The following SYT1 variants were observed in gnomAD, a reference collection of about 807,000 sequenced individuals.
The protein encoded by SYT1 is synaptotagmin-1.
Under a neutral mutation model 44.8 loss-of-function variants are expected in SYT1, and 8 were observed. That is an observed-to-expected ratio of 0.18 (90% CI 0.10 to 0.32). The LOEUF is 0.32. SYT1 is among the 10% of genes least tolerant of loss of function. SYT1 has a pLI of 1.00. For synonymous variants in SYT1, 154 were observed against 188.8 expected, an observed-to-expected ratio of 0.82 and a Z score of 1.51; for missense variants, 286 against 509.3, an observed-to-expected ratio of 0.56 and a Z score of 4.22.
intron 1 of SYT1, among the ~76,000 whole-genome samples, chr12:78,972,306 T>G (rs914992399): frequency 5.9e-5 from 9 of 152,062 alleles, no homozygotes; most frequent in Non-Finnish European, 1.2e-4. Context: ...TGCTTATACG[T>G]AAGGTCAAAA....
intron 9 of SYT1, among the ~76,000 whole-genome samples, chr12:79,372,658 A>G (rs895058602): frequency 5.9e-5 from 9 of 152,224 alleles, no homozygotes; most frequent in African/African-American, 1.9e-4. Context: ...TGATGCTTAA[A>G]GTGAACTGAA....
chr12:79,205,930 A>G (rs1373750205), intron 3 of SYT1, among the ~76,000 whole-genome samples: 1 of 152,152 alleles, frequency 6.6e-6, no homozygotes, highest in East Asian at 1.9e-4. Flanking sequence ...AACAATACTC[A>G]TATTTTCTCC....
At chr12:79,151,866 G>T (rs1389513148) in intron 3 of SYT1, among the ~76,000 whole-genome samples, 1 of 152,120 alleles carries the variant, frequency 6.6e-6, no homozygotes, top group Admixed American at 6.6e-5. Context: ...AAAATGATAT[G>T]GAGTTCAGGA....
In SYT1 at chr12:78,973,909, C is replaced by T. The variant is rs1474644568; in HGVS notation, c.-216-3890C>T. 2.1e-3 allele frequency among the ~76,000 whole-genome samples: 128 copies of T among 59,692 alleles called. 2 individuals carry two copies. Among genetic ancestry groups the T allele is most frequent in the African/African-American group, 8.6e-3 (120 of 13,988 alleles). The allele number at this position is 59,692 out of a possible 152,430, so 39.2% of individuals were successfully genotyped here. On this transcript the variant is annotated intron_variant, in intron 1 of 10. Transcript: ENST00000261205. ...CAACTATAGCAGCAAGAGGAAGAGA[C>T]GAACACCAAAAAAAAAAAAAAAAAA...
At chr12:79,103,234 TAAG>T (rs1878534747) in intron 3 of SYT1, among the ~76,000 whole-genome samples, 1 of 152,136 alleles carries the variant, frequency 6.6e-6, no homozygotes, top group African/African-American at 2.4e-5. Flanking sequence ...AATATTCAAA[TAAG>T]AAAATAATAT....
intron 8 of SYT1, among the ~76,000 whole-genome samples, chr12:79,347,156 A>G (rs1433274956): frequency 6.6e-6 from 1 of 151,866 alleles, no homozygotes; most frequent in Non-Finnish European, 1.5e-5. Flanking sequence ...AAGTCTGGTA[A>G]CTGGAAGGAA....
chr12:79,348,461 G>C (rs558785920), intron 8 of SYT1, among the ~76,000 whole-genome samples: 2 of 152,236 alleles, frequency 1.3e-5, no homozygotes, highest in South Asian at 4.1e-4. Context: ...ATGAATGAAG[G>C]CATGTGGTCA....
intron 3 of SYT1, among the ~76,000 whole-genome samples, chr12:79,051,680 T>A (rs1874502883): frequency 6.6e-6 from 1 of 152,010 alleles, no homozygotes; most frequent in South Asian, 2.1e-4. Context: ...CTCATCTGGG[T>A]AATGAAAAAT....
intron 3 of SYT1, among the ~76,000 whole-genome samples, chr12:79,179,361 G>GATATAGATATATCGATATAGATATCC (rs1872271035): frequency 4.3e-4 from 1 of 2,302 alleles, no homozygotes; most frequent in Non-Finnish European, 9.3e-4. Context: ...TATCGATATA[G>GATATAGATATATCGATATAGATATCC]ATATAGATAT....
chr12:79,384,053 A>G (rs1884331328), intron 9 of SYT1, among the ~76,000 whole-genome samples: 1 of 152,190 alleles, frequency 6.6e-6, no homozygotes, highest in Admixed American at 6.5e-5. Context: ...GAGTAGGCTG[A>G]GAGGTGATCA....
chr12:78,870,908 G>C (rs1376000984), intron 1 of SYT1, among the ~76,000 whole-genome samples: 1 of 152,018 alleles, frequency 6.6e-6, no homozygotes, highest in Non-Finnish European at 1.5e-5. Context: ...ATGCAGAGCT[G>C]TACTTACGTG....
chr12:79,414,470 A>G (rs1868615054), intron 9 of SYT1, among the ~76,000 whole-genome samples: 1 of 152,106 alleles, frequency 6.6e-6, no homozygotes, highest in Non-Finnish European at 1.5e-5. Flanking sequence ...AATTGCAGCT[A>G]CTGTCCAGGA....
At chr12:78,958,659 C>T (rs554876357) in intron 1 of SYT1, among the ~76,000 whole-genome samples, 7 of 151,680 alleles carry the variant, frequency 4.6e-5, no homozygotes, top group Non-Finnish European at 8.8e-5. Context: ...CACACCACCA[C>T]ACTCCAGCCT....
At chr12:78,905,616 T>C (rs544102105) in intron 1 of SYT1, among the ~76,000 whole-genome samples, 6 of 152,266 alleles carry the variant, frequency 3.9e-5, no homozygotes, top group Non-Finnish European at 8.8e-5. Flanking sequence ...TTTTATTACA[T>C]GGCATCTACA....
rs78780701 is a variant in SYT1 at position 79,168,722 on chromosome 12, G to A, written c.-17-48781G>A. 6.0e-3 allele frequency among the ~76,000 whole-genome samples: 920 copies of A among 152,100 alleles called. 32 individuals are homozygous for A. The East Asian group carries it at 0.094, about 15-fold the overall frequency. On this transcript the variant is annotated intron_variant, in intron 3 of 10. Coordinates refer to ENST00000261205, the MANE Select transcript of SYT1 (RefSeq NM_005639.3). ...TGTTGTTTGAGGTTAGCAAGGATGT[G>A]ATTTTGAGGTCACAACCAGACATTG...
At chr12:79,314,291 T>C (rs1178328115) in intron 8 of SYT1, among the ~76,000 whole-genome samples, 3 of 152,178 alleles carry the variant, frequency 2.0e-5, no homozygotes, top group Non-Finnish European at 2.9e-5. Flanking sequence ...CCTTCCTTTT[T>C]TGAGGACAGT....
chr12:78,892,300 A>G (rs1225447656), intron 1 of SYT1, among the ~76,000 whole-genome samples: 4 of 151,858 alleles, frequency 2.6e-5, no homozygotes, highest in Admixed American at 1.3e-4. Context: ...AATTTTTAAA[A>G]TAATAATCTT....
At chr12:78,894,187 C>A (rs554250219) in intron 1 of SYT1, among the ~76,000 whole-genome samples, 2 of 151,586 alleles carry the variant, frequency 1.3e-5, no homozygotes, top group African/African-American at 4.8e-5. Flanking sequence ...GTCCTGCTCA[C>A]TGAAATCCTT....
intron 9 of SYT1, among the ~76,000 whole-genome samples, chr12:79,390,077 C>T (rs891958778): frequency 7.9e-5 from 12 of 152,042 alleles, no homozygotes; most frequent in Middle Eastern, 3.4e-3. Context: ...GGACTACAGG[C>T]GCCCGCCACC....
Sources: allele counts gnomAD v4.1 joint callset (sites outside exome capture counted in the v4.1 genomes callset), GRCh38; gene constraint gnomAD v4.1.1; transcripts MANE v1.5; gene names NCBI Gene and HGNC (gene_info 2026-07-23, HGNC 2026-07-21).